Variants in NOD1 observed in about 807,000 individuals in gnomAD.
NOD1 encodes the protein nucleotide binding oligomerization domain containing 1, also known as nucleotide-binding oligomerization domain-containing protein 1.
NOD1 carries 70 observed loss-of-function variants against 81.2 expected under a neutral mutation model. The ratio of observed to expected loss-of-function variants is 0.86; its 90% CI spans 0.71 to 1.05. NOD1 has a LOEUF of 1.05. NOD1 is among the 50% of genes least tolerant of loss of function. The pLI is 0.00. For synonymous variants in NOD1, 508 were observed against 526.9 expected (o/e 0.96, Z 0.49); for missense variants, 1,233 against 1,228.0 (o/e 1.00, Z -0.06).
intron 12 of NOD1, among the ~76,000 whole-genome samples, chr7:30,431,266 A>G (rs1183231671): frequency 6.6e-6 from 1 of 152,246 alleles, no homozygotes; most frequent in Non-Finnish European, 1.5e-5. Flanking sequence ...AGAAAAAACA[A>G]TATGTAGCAG....
At position 30,467,495 on chromosome 7, in the gene NOD1, AG is replaced by A. The variant is rs1787817818; in HGVS notation, c.-351-7455del. ...TGAGGAACTATGACTTTCAACTCAA[AG>A]GGCCCACCTGCCCTAGAGAGAAAAT... On this transcript the variant is annotated intron_variant, in intron 1 of 13. Transcript: ENST00000222823. This position sits in a 1 kb window ranked among gnomAD's most constrained non-coding sequence, Gnocchi z 4.5. Among the ~76,000 whole-genome samples, 1 of 152,208 alleles carries A rather than the reference AG, an allele frequency of 6.6e-6. No individual in the cohort carries two copies. The highest frequency in any genetic ancestry group is 1.5e-5 in the Non-Finnish European group (1 of 68,024).
In NOD1 at chr7:30,459,231, T is replaced by C. The variant is rs1583815363; in HGVS notation, c.-201A>G. 6.5e-6 allele frequency: 1 copy of C among 152,682 alleles called. No homozygotes were observed. Among genetic ancestry groups the C allele is most frequent in the Admixed American group, 6.5e-5 (1 of 15,290 alleles). 9.5% of individuals were successfully genotyped at this position (152,682 alleles called of 1,614,324 possible). ...GTTTAAATCTTCAATTTCCAATTTATTTCTGGAATCTGCAAAATCAAAGAA... is the reference window on the plus strand; with the variant it reads ...GTTTAAATCTTCAATTTCCAATTTACTTCTGGAATCTGCAAAATCAAAGAA... On this transcript the variant is annotated 5_prime_UTR_variant, in exon 3 of 14. Transcript: ENST00000222823.
At chr7:30,463,169 A>G (rs1197370746) in intron 1 of NOD1, among the ~76,000 whole-genome samples, 1 of 152,142 alleles carries the variant, frequency 6.6e-6, no homozygotes, top group African/African-American at 2.4e-5. Flanking sequence ...ATGTATATAT[A>G]TGAATATACA....
chr7:30,448,055 C>A, intron 7 of NOD1: 1 of 504,258 alleles, frequency 2.0e-6, no homozygotes, highest in South Asian at 2.9e-5. Context: ...CCCCAATAAC[C>A]AGTTGTAAGC....
At chr7:30,430,631 A>G (rs376813644) in intron 12 of NOD1, among the ~76,000 whole-genome samples, 3 of 152,208 alleles carry the variant, frequency 2.0e-5, no homozygotes, top group African/African-American at 7.2e-5. Flanking sequence ...CTGTTCAGCT[A>G]CAGAACCTTG....
intron 4 of NOD1, 37 bp from the exon 5 acceptor site, chr7:30,455,348 T>G (rs376399290): frequency 6.3e-7 from 1 of 1,579,926 alleles, no homozygotes; most frequent in Non-Finnish European, 8.7e-7. Context: ...CGGGCTGGCA[T>G]GAGGGGCATC....
intron 6 of NOD1, 26 bp from the exon 7 acceptor site, chr7:30,448,407 C>T (rs1302558188): frequency 7.6e-6 from 12 of 1,575,368 alleles, no homozygotes; most frequent in Middle Eastern, 1.7e-4. Flanking sequence ...AAAAAAATTA[C>T]GAGTCAGGGC....
intron 7 of NOD1, 129 bp from the exon 8 acceptor site, chr7:30,447,179 G>A: frequency 1.3e-6 from 2 of 1,522,642 alleles, no homozygotes; most frequent in African/African-American, 1.4e-5. Flanking sequence ...ACAGGCACCA[G>A]AGTTTAGGGC....
rs1783306204 is a variant in NOD1, at chr7:30,424,680, C to G, written c.*958G>C. On this transcript the variant is annotated 3_prime_UTR_variant, in exon 14 of 14. Transcript: ENST00000222823. ...GCTGGCCCAGTTCCCAGCCGATCCC[C>G]TGAGTCTTGGCGCCCGTTTAGTCAC... The G allele has an allele frequency of 6.6e-6, 1 of 152,262 alleles. No homozygotes were observed. The highest frequency in any genetic ancestry group is 2.1e-4 in the South Asian group (1 of 4,826). 9.4% of individuals were successfully genotyped at this position (152,262 alleles called of 1,614,324 possible).
At chr7:30,433,759 T>C (rs1784148284) in intron 11 of NOD1, among the ~76,000 whole-genome samples, 1 of 152,048 alleles carries the variant, frequency 6.6e-6, no homozygotes, top group South Asian at 2.1e-4. Context: ...GACCCACTTG[T>C]GCCAGTGGAC....
intron 1 of NOD1, among the ~76,000 whole-genome samples, chr7:30,477,944 G>A (rs1021659771): frequency 6.6e-5 from 10 of 152,214 alleles, no homozygotes; most frequent in Non-Finnish European, 5.9e-5. Flanking sequence ...CAGAGCTAAT[G>A]AGACATCAAC....
intron 12 of NOD1, among the ~76,000 whole-genome samples, chr7:30,432,600 A>G (rs544715853): frequency 6.6e-6 from 1 of 152,352 alleles, no homozygotes; most frequent in Admixed American, 6.5e-5. Flanking sequence ...ATATTCCCAA[A>G]AGAGATGAAA....
At chr7:30,450,919 T>C (rs1031077337) in intron 6 of NOD1, among the ~76,000 whole-genome samples, 9 of 152,200 alleles carry the variant, frequency 5.9e-5, no homozygotes, top group Non-Finnish European at 1.2e-4. Context: ...TCAACTAACA[T>C]TGGTCCCTGT....
At chr7:30,460,468 G>T in intron 1 of NOD1, 1 of 985,432 alleles carries the variant, frequency 1.0e-6, no homozygotes, top group Middle Eastern at 5.2e-4. Context: ...CTCCTGGGTG[G>T]AGCTTTCCCA....
At position 30,452,511 on chromosome 7, in the gene NOD1, G is replaced by A. The variant is rs1414695060; in HGVS notation, c.906C>T (p.Ser302=). ...GGGGGTGGGCAGGCTCCCAGGGGCA[G>A]GAGCTGTCAGGCACGCGGCTCAGGT... ...DLDLSRVPDS[S]CPWEPAHPLV... is the part of the protein sequence containing the mutation. The change falls in exon 6 of 14, where the codon TCC becomes TCT. Residue 302 remains serine (S), a synonymous_variant. Coordinates refer to ENST00000222823, the MANE Select transcript of NOD1 (RefSeq NM_006092.4). 6.2e-7 allele frequency: 1 copy of A among 1,613,248 alleles called. No homozygotes were observed. The highest frequency in any genetic ancestry group is 1.7e-5 in the Admixed American group (1 of 60,012).
intron 3 of NOD1, among the ~76,000 whole-genome samples, chr7:30,457,525 T>G (rs1258942018): frequency 1.3e-5 from 2 of 152,188 alleles, no homozygotes; most frequent in Non-Finnish European, 2.9e-5. Context: ...GGGTTACATC[T>G]CTAGGGTAGG....
At position 30,438,616 on chromosome 7, in the gene NOD1, AC is replaced by A. The variant is rs372737124; in HGVS notation, c.2454-961del. Among the ~76,000 whole-genome samples the A allele has an allele frequency of 1.2e-3, 184 of 152,370 alleles. 4 individuals are homozygous for A. The highest frequency in any genetic ancestry group is 4.0e-3 in the African/African-American group (168 of 41,590). On this transcript the variant is annotated intron_variant, in intron 9 of 13. Coordinates refer to ENST00000222823, the MANE Select transcript of NOD1 (RefSeq NM_006092.4). Reference sequence around the variant, plus strand: ...TTCACACCAAGCAAACTACCTGCTTACACCATTCCAGGTATGGCTTGCTGGA... The same window carrying A: ...TTCACACCAAGCAAACTACCTGCTTAACCATTCCAGGTATGGCTTGCTGGA...
chr7:30,447,796 AGTCT>A (rs1785261673), intron 7 of NOD1: 1 of 155,958 alleles, frequency 6.4e-6, no homozygotes, highest in African/African-American at 2.4e-5. Context: ...AGCTACTTAT[AGTCT>A]TTCTTACCAC....
In NOD1 at chr7:30,437,670, C is replaced by A; in HGVS notation, c.2454-14G>T. Reference sequence around the variant, plus strand: ...TTGCCCCACATCCTGAGGGAGGAGACAAGATAGTGAATGTTAGCTCCCCAA... The same window carrying A: ...TTGCCCCACATCCTGAGGGAGGAGAAAAGATAGTGAATGTTAGCTCCCCAA... On this transcript the variant is annotated splice_polypyrimidine_tract_variant and intron_variant, in intron 9 of 13. Transcript: ENST00000222823. 1 of 1,503,146 alleles carries A rather than the reference C, an allele frequency of 6.7e-7. No individual in the cohort carries two copies. Among genetic ancestry groups the A allele is most frequent in the South Asian group, 1.4e-5 (1 of 73,710 alleles). The allele number at this position is 1,503,146 out of a possible 1,614,324, so 93.1% of individuals were successfully genotyped here.
Sources: allele counts gnomAD v4.1 joint callset (sites outside exome capture counted in the v4.1 genomes callset), GRCh38; gene constraint gnomAD v4.1.1; non-coding constraint Gnocchi (gnomAD v3.1); transcripts MANE v1.5; gene names NCBI Gene and HGNC (gene_info 2026-07-23, HGNC 2026-07-21).